Variants in CDKAL1 observed in about 807,000 individuals in gnomAD.
The protein encoded by CDKAL1 is CDKAL1 threonylcarbamoyladenosine tRNA methylthiotransferase, also known as threonylcarbamoyladenosine tRNA methylthiotransferase.
CDKAL1 carries 32 observed loss-of-function variants against 68.2 expected under a neutral mutation model. The observed-to-expected ratio is 0.47, with a 90% CI of 0.35 to 0.63. CDKAL1 has a LOEUF of 0.63. Ranked by LOEUF, CDKAL1 falls within the 30% of genes least tolerant of loss-of-function variation. The pLI, the probability that CDKAL1 is intolerant of heterozygous loss-of-function variation, is 0.00. For synonymous variants in CDKAL1, 234 were observed against 244.3 expected (o/e 0.96, Z 0.39); for missense variants, 606 against 696.7 (o/e 0.87, Z 1.47).
chr6:20,661,557 A>C (rs928097753), intron 5 of CDKAL1, among the ~76,000 whole-genome samples: 8 of 150,870 alleles, frequency 5.3e-5, no homozygotes, highest in African/African-American at 2.0e-4. Context: ...TTGGAAATAC[A>C]AAAGAAAGTC....
At chr6:21,094,566 C>G (rs1304476699) in intron 12 of CDKAL1, among the ~76,000 whole-genome samples, 1 of 152,008 alleles carries the variant, frequency 6.6e-6, no homozygotes, top group Non-Finnish European at 1.5e-5. Flanking sequence ...TAAAAAGATG[C>G]TAGAGCTGAA....
At chr6:20,924,642 C>A (rs1418744538) in intron 9 of CDKAL1, among the ~76,000 whole-genome samples, 1 of 152,210 alleles carries the variant, frequency 6.6e-6, no homozygotes, top group Non-Finnish European at 1.5e-5. Context: ...CTGTTCAATT[C>A]TGTGAAGGCT....
At chr6:21,077,241 A>T (rs536380166) in intron 12 of CDKAL1, among the ~76,000 whole-genome samples, 1 of 152,086 alleles carries the variant, frequency 6.6e-6, no homozygotes, top group African/African-American at 2.4e-5. Context: ...GAATCTAATG[A>T]CTTTTTGTTT....
At chr6:21,057,401 T>G (rs1770893758) in intron 11 of CDKAL1, among the ~76,000 whole-genome samples, 1 of 152,004 alleles carries the variant, frequency 6.6e-6, no homozygotes, top group Non-Finnish European at 1.5e-5. Context: ...GTCTATTTGA[T>G]TCTCCTCTCT....
chr6:21,033,182 C>T (rs1199949783), intron 11 of CDKAL1, among the ~76,000 whole-genome samples: 1 of 152,084 alleles, frequency 6.6e-6, no homozygotes, highest in East Asian at 1.9e-4. Flanking sequence ...GAAGTTATGC[C>T]TGTTTGTTTG....
intron 11 of CDKAL1, among the ~76,000 whole-genome samples, chr6:21,048,992 A>T (rs1412923947): frequency 6.6e-6 from 1 of 152,128 alleles, no homozygotes; most frequent in East Asian, 1.9e-4. Context: ...TTCTTGAATA[A>T]AATGATTTCA....
intron 6 of CDKAL1, among the ~76,000 whole-genome samples, chr6:20,754,994 A>G (rs1218136712): frequency 6.6e-6 from 1 of 152,178 alleles, no homozygotes; most frequent in Non-Finnish European, 1.5e-5. Flanking sequence ...CTCTAGAAAT[A>G]TGGCTTCTTA....
At chr6:20,692,754 C>T (rs1770926152) in intron 5 of CDKAL1, among the ~76,000 whole-genome samples, 2 of 151,802 alleles carry the variant, frequency 1.3e-5, no homozygotes, top group Admixed American at 1.3e-4. Flanking sequence ...AAACCCTAAC[C>T]TACTGGAAAA....
chr6:20,692,892 C>T (rs1179762069), intron 5 of CDKAL1, among the ~76,000 whole-genome samples: 3 of 151,550 alleles, frequency 2.0e-5, no homozygotes, highest in South Asian at 2.1e-4. Context: ...TTTGGGAGGC[C>T]GAGGTGGGTG....
At chr6:21,201,027 G>T in intron 14 of CDKAL1, 83 bp from the exon 15 acceptor site, 1 of 1,278,788 alleles carries the variant, frequency 7.8e-7, no homozygotes, top group East Asian at 2.4e-5. Flanking sequence ...TACTATCTTT[G>T]CAATAATTCT....
At chr6:21,194,267 A>T (rs1385120615) in intron 13 of CDKAL1, among the ~76,000 whole-genome samples, 2 of 152,200 alleles carry the variant, frequency 1.3e-5, no homozygotes, top group African/African-American at 4.8e-5. Flanking sequence ...TATGAGAACC[A>T]TGGTTTTCAA....
At chr6:20,979,575 G>A (rs756131364) in intron 10 of CDKAL1, among the ~76,000 whole-genome samples, 2 of 151,942 alleles carry the variant, frequency 1.3e-5, no homozygotes, top group Non-Finnish European at 2.9e-5. Context: ...CCGGGGGTTC[G>A]AGGGTGAGCA....
At chr6:20,725,680 A>C (rs1334017758) in intron 5 of CDKAL1, among the ~76,000 whole-genome samples, 2 of 149,948 alleles carry the variant, frequency 1.3e-5, no homozygotes, top group East Asian at 4.1e-4. Flanking sequence ...GCTATGCGGG[A>C]GGCTGAGGCA....
intron 12 of CDKAL1, among the ~76,000 whole-genome samples, chr6:21,069,041 C>G (rs924689841): frequency 6.6e-6 from 1 of 152,106 alleles, no homozygotes; most frequent in Non-Finnish European, 1.5e-5. Context: ...CCAACTAATT[C>G]ACTTATTAAT....
At chr6:20,715,675 C>G (rs1400387820) in intron 5 of CDKAL1, among the ~76,000 whole-genome samples, 1 of 152,216 alleles carries the variant, frequency 6.6e-6, no homozygotes, top group Non-Finnish European at 1.5e-5. Flanking sequence ...TTCCTTCCAA[C>G]AGTGCACAAG....
intron 12 of CDKAL1, among the ~76,000 whole-genome samples, chr6:21,070,857 A>G (rs1461290985): frequency 6.6e-6 from 1 of 152,190 alleles, no homozygotes; most frequent in Non-Finnish European, 1.5e-5. Context: ...GTCCCTGAAC[A>G]GCAGTGTTGG....
At chr6:20,860,933 ATTTTTTTTTT>A (rs70990075) in intron 9 of CDKAL1, among the ~76,000 whole-genome samples, 1 of 134,230 alleles carries the variant, frequency 7.4e-6, no homozygotes, top group South Asian at 2.4e-4. Context: ...AGTGTGGTCT[ATTTTTTTTTT>A]TTTTTTTTTT....
intron 10 of CDKAL1, among the ~76,000 whole-genome samples, chr6:20,972,781 C>T (rs1044935166): frequency 6.6e-6 from 1 of 152,162 alleles, no homozygotes; most frequent in Non-Finnish European, 1.5e-5. Flanking sequence ...TGATTGTTTG[C>T]TGTCAGGGCC....
chr6:21,073,398 T>C (rs1237112732), intron 12 of CDKAL1, among the ~76,000 whole-genome samples: 1 of 152,190 alleles, frequency 6.6e-6, no homozygotes, highest in Non-Finnish European at 1.5e-5. Context: ...AGTATGTTTA[T>C]AAAAAATTGC....
Sources: allele counts gnomAD v4.1 joint callset (sites outside exome capture counted in the v4.1 genomes callset), GRCh38; gene constraint gnomAD v4.1.1; transcripts MANE v1.5; gene names NCBI Gene and HGNC (gene_info 2026-07-23, HGNC 2026-07-21).